Variants in SEMA3A observed in about 807,000 individuals in gnomAD.
SEMA3A encodes semaphorin-3A.
In SEMA3A, 29 loss-of-function variants were observed where a neutral mutation model predicts 97.9. The observed-to-expected ratio is 0.30, with a 90% CI of 0.22 to 0.40. The LOEUF (loss-of-function observed/expected upper bound fraction) is 0.40. SEMA3A is among the 10% of genes least tolerant of loss of function. SEMA3A has a pLI of 1.00. For synonymous variants in SEMA3A, 321 were observed against 323.7 expected (o/e 0.99, Z 0.09); for missense variants, 763 against 951.3 (o/e 0.80, Z 2.60).
chr7:84,081,784 G>A (rs550710172), intron 4 of SEMA3A, among the ~76,000 whole-genome samples: 1 of 151,876 alleles, frequency 6.6e-6, no homozygotes, highest in Non-Finnish European at 1.5e-5. Flanking sequence ...ACATACAAGT[G>A]TATAAATAAA....
chr7:83,985,672 G>C (rs1439508320), intron 12 of SEMA3A, among the ~76,000 whole-genome samples, 195 bp from the exon 13 acceptor site: 1 of 152,178 alleles, frequency 6.6e-6, no homozygotes, highest in Non-Finnish European at 1.5e-5. Flanking sequence ...CAATAAGATT[G>C]TGTCAGTGTC....
intron 1 of SEMA3A, among the ~76,000 whole-genome samples, chr7:84,473,037 T>G (rs879552488): frequency 2.0e-5 from 3 of 152,052 alleles, no homozygotes; most frequent in Non-Finnish European, 4.4e-5. Flanking sequence ...GCTCTGCCAC[T>G]AAATCTAGAT....
At chr7:84,454,735 A>G (rs2116373808) in intron 1 of SEMA3A, among the ~76,000 whole-genome samples, 1 of 152,192 alleles carries the variant, frequency 6.6e-6, no homozygotes, top group African/African-American at 2.4e-5. Context: ...AACAAAAACT[A>G]TTTGACTCTG....
intron 4 of SEMA3A, among the ~76,000 whole-genome samples, chr7:84,080,937 G>A (rs1343628009): frequency 6.6e-6 from 1 of 151,858 alleles, no homozygotes; most frequent in Non-Finnish European, 1.5e-5. Flanking sequence ...AAGTTTACAT[G>A]TGGGGACAAT....
At chr7:84,151,694 T>C (rs1796677010) in intron 1 of SEMA3A, among the ~76,000 whole-genome samples, 1 of 152,090 alleles carries the variant, frequency 6.6e-6, no homozygotes, top group South Asian at 2.1e-4. Context: ...AATTGACAAA[T>C]GGGATCTCAT....
intron 5 of SEMA3A, among the ~76,000 whole-genome samples, chr7:84,057,737 G>A (rs982261407): frequency 6.8e-6 from 1 of 147,836 alleles, no homozygotes; most frequent in Non-Finnish European, 1.5e-5. Context: ...ACTCCAGCCT[G>A]GGCGACAGAG....
At chr7:84,145,682 A>T (rs1482254043) in intron 1 of SEMA3A, among the ~76,000 whole-genome samples, 1 of 152,184 alleles carries the variant, frequency 6.6e-6, no homozygotes. Context: ...CACATGAATA[A>T]ATTTCTTGAG....
intron 1 of SEMA3A, among the ~76,000 whole-genome samples, chr7:84,420,714 T>C (rs1424975080): frequency 6.6e-6 from 1 of 152,068 alleles, no homozygotes; most frequent in Non-Finnish European, 1.5e-5. Context: ...ATTTAAAGTC[T>C]TGGGAGGGTG....
intron 2 of SEMA3A, among the ~76,000 whole-genome samples, chr7:84,371,342 T>C (rs1315919183): frequency 6.6e-6 from 1 of 151,818 alleles, no homozygotes; most frequent in Non-Finnish European, 1.5e-5. Context: ...ACAATAAAAT[T>C]GGAACAGTAA....
chr7:83,961,380 C>T lies in SEMA3A; in HGVS notation c.2307G>A (p.Arg769=), dbSNP rs2116244763. 1 of 1,613,820 alleles carries T rather than the reference C, an allele frequency of 6.2e-7. No homozygotes were observed. Among genetic ancestry groups the T allele is most frequent in the South Asian group, 1.1e-5 (1 of 91,070 alleles). The change falls in exon 17 of 17, where the codon AGG becomes AGA. Residue 769 remains arginine (R), a synonymous_variant. Coordinates refer to ENST00000265362, the MANE Select transcript of SEMA3A (RefSeq NM_006080.3). ...RRTHEFERAP[R]SV is the part of the protein sequence containing the mutation. ...CTAGAGGTAATGCAGCTCAGACACT[C>T]CTGGGTGCCCTCTCAAATTCGTGGG...
chr7:83,965,649 TATATATATATATA>T lies in SEMA3A; in HGVS notation c.1718-2315_1718-2303del, dbSNP rs1436417757. ...GTGCATATATATATATATATATATA[TATATATATATATA>T]TATATTTTTTTTTTTTTTTTTTTTT... On this transcript the variant is annotated intron_variant, in intron 15 of 16. Transcript: ENST00000265362. Among the ~76,000 whole-genome samples, 28 of 12,102 alleles carry T rather than the reference TATATATATATATA, an allele frequency of 2.3e-3. 1 individual carries two copies. The highest frequency in any genetic ancestry group is 3.5e-3 in the Non-Finnish European group (18 of 5,136). The allele number at this position is 12,102 out of a possible 152,430, so 7.9% of individuals were successfully genotyped here. A position where few individuals can be genotyped will look rare whatever the true frequency, so the allele number is the denominator to read the frequency against.
intron 1 of SEMA3A, among the ~76,000 whole-genome samples, chr7:84,426,071 C>G (rs1255798472): frequency 6.6e-6 from 1 of 150,912 alleles, no homozygotes; most frequent in Non-Finnish European, 1.5e-5. Context: ...CACTTAGACT[C>G]AGGAAGGGAA....
At chr7:84,157,541 T>C (rs1239927831) in intron 1 of SEMA3A, among the ~76,000 whole-genome samples, 2 of 152,236 alleles carry the variant, frequency 1.3e-5, no homozygotes, top group Non-Finnish European at 2.9e-5. Context: ...GTTGTGTTCT[T>C]ATCTACTTTG....
intron 1 of SEMA3A, among the ~76,000 whole-genome samples, chr7:84,181,135 C>A (rs1228953406): frequency 6.6e-6 from 1 of 151,856 alleles, no homozygotes; most frequent in African/African-American, 2.4e-5. Flanking sequence ...TTCTTTCCCT[C>A]CTCAAATTTT....
intron 2 of SEMA3A, among the ~76,000 whole-genome samples, chr7:84,132,162 T>G (rs1433714727): frequency 6.6e-6 from 1 of 152,148 alleles, no homozygotes; most frequent in Non-Finnish European, 1.5e-5. Flanking sequence ...CAATGTGATA[T>G]AATTAAAATA....
intron 1 of SEMA3A, among the ~76,000 whole-genome samples, chr7:84,491,217 T>C (rs1387212055): frequency 6.6e-6 from 1 of 152,108 alleles, no homozygotes; most frequent in Non-Finnish European, 1.5e-5. Flanking sequence ...CATTGGCCGA[T>C]GGGGAATTAT....
chr7:84,215,596 T>A (rs961014422), intron 3 of SEMA3A, among the ~76,000 whole-genome samples: 1 of 151,366 alleles, frequency 6.6e-6, no homozygotes, highest in Non-Finnish European at 1.5e-5. Flanking sequence ...ACAGCCCTTA[T>A]TGCCATCTGC....
chr7:84,299,385 T>C (rs186726178), intron 3 of SEMA3A, among the ~76,000 whole-genome samples: 2,233 of 139,048 alleles, frequency 0.016, 80 homozygotes, highest in Non-Finnish European at 0.016. Flanking sequence ...TATATATATA[T>C]ACACACATCT....
intron 1 of SEMA3A, among the ~76,000 whole-genome samples, chr7:84,167,712 A>G (rs748529846): frequency 6.6e-6 from 1 of 152,210 alleles, no homozygotes; most frequent in Non-Finnish European, 1.5e-5. Flanking sequence ...TTAGACAGAT[A>G]CACAGTTTGA....
Sources: gnomAD v4.1 joint callset for allele counts (sites outside exome capture counted in the v4.1 genomes callset) on GRCh38, gnomAD v4.1.1 for gene constraint, MANE v1.5 for transcripts, NCBI Gene and HGNC (gene_info 2026-07-23, HGNC 2026-07-21) for gene names.